The following EPHA3 variants were observed in gnomAD, a reference collection of about 807,000 sequenced individuals.
The protein encoded by EPHA3 is EPH receptor A3, also known as ephrin type-A receptor 3.
EPHA3 carries 42 observed loss-of-function variants against 107.1 expected under a neutral mutation model. The ratio of observed to expected loss-of-function variants is 0.39; its 90% confidence interval spans 0.31 to 0.51. The LOEUF is 0.51. EPHA3 is among the 20% of genes least tolerant of loss of function. EPHA3 has a pLI of 0.78. For missense variants in EPHA3, 1,183 were observed against 1,211.2 expected, an observed-to-expected ratio of 0.98 and a Z score of 0.35; for synonymous variants, 461 against 424.8, an observed-to-expected ratio of 1.09 and a Z score of -1.05.
chr3:89,480,467 C>G lies in EPHA3; in HGVS notation c.*965C>G, dbSNP rs1275049672. ...ATGGATTTTCAACCAGATAACATAC[C>G]TTTCCTGCTCTGGTGCTTAGAGACT... On this transcript the variant is annotated 3_prime_UTR_variant, in exon 17 of 17. Coordinates refer to ENST00000336596, the MANE Select transcript of EPHA3 (RefSeq NM_005233.6). 4.3e-6 allele frequency: 1 copy of G among 233,136 alleles called. No homozygotes were observed. The highest frequency in any genetic ancestry group is 8.5e-6 in the Non-Finnish European group (1 of 117,854). The allele number at this position is 233,136 out of a possible 1,614,324, so 14.4% of individuals were successfully genotyped here.
Position 89,480,420 on chromosome 3 carries a change from G to A in EPHA3, c.*918G>A, listed in dbSNP as rs912937780. ...ATAAACTGTATGCTCACAACTTAGT[G>A]TAATATACCAGCTTGTATGCAATGG... On this transcript the variant is annotated 3_prime_UTR_variant, in exon 17 of 17. Transcript: ENST00000336596. The A allele has an allele frequency of 4.3e-6, 1 of 233,152 alleles. No homozygotes were observed. Among genetic ancestry groups the A allele is most frequent in the African/African-American group, 2.2e-5 (1 of 45,310 alleles). 14.4% of individuals were successfully genotyped at this position (233,152 alleles called of 1,614,324 possible).
intron 13 of EPHA3, among the ~76,000 whole-genome samples, chr3:89,439,340 C>A (rs1243939346): frequency 2.0e-5 from 3 of 152,054 alleles, no homozygotes; most frequent in Admixed American, 2.0e-4. Context: ...TGCCTTTAGT[C>A]CCAGCTACTC....
At chr3:89,191,258 T>C (rs1430316294) in intron 2 of EPHA3, among the ~76,000 whole-genome samples, 1 of 152,022 alleles carries the variant, frequency 6.6e-6, no homozygotes, top group Admixed American at 6.6e-5. Flanking sequence ...TGATTCCTAA[T>C]TGTACCCAAC....
At chr3:89,140,743 A>G (rs1465969839) in intron 2 of EPHA3, among the ~76,000 whole-genome samples, 1 of 151,708 alleles carries the variant, frequency 6.6e-6, no homozygotes, top group East Asian at 1.9e-4. Context: ...ATATGAGGTA[A>G]TATTCGTTTC....
At position 89,351,918 on chromosome 3, in the gene EPHA3, G is replaced by A. The variant is rs114901231; in HGVS notation, c.1306+9828G>A. Among the ~76,000 whole-genome samples, 645 of 143,628 alleles carry A rather than the reference G, an allele frequency of 4.5e-3. 15 individuals carry two copies. The highest frequency in any genetic ancestry group is 0.013 in the African/African-American group (491 of 39,020). The allele number at this position is 143,628 out of a possible 152,430, so 94.2% of individuals were successfully genotyped here. On this transcript the variant is annotated intron_variant, in intron 5 of 16. Coordinates refer to ENST00000336596, the MANE Select transcript of EPHA3 (RefSeq NM_005233.6). ...ATAAGTAATTTTCTGTAAATTCAAG[G>A]CAGATGCAAAAAAAAAAAAAAAAGT...
intron 3 of EPHA3, among the ~76,000 whole-genome samples, chr3:89,275,415 A>C (rs1705782533): frequency 6.6e-6 from 1 of 152,006 alleles, no homozygotes. Flanking sequence ...TAAACCTTCA[A>C]AGTGTGTAGC....
At chr3:89,249,780 G>T (rs945118544) in intron 3 of EPHA3, among the ~76,000 whole-genome samples, 3 of 152,090 alleles carry the variant, frequency 2.0e-5, no homozygotes, top group African/African-American at 7.2e-5. Context: ...ATAGTGATAA[G>T]TTTTTGCTGT....
At chr3:89,441,970 T>A (rs1709794838) in intron 13 of EPHA3, among the ~76,000 whole-genome samples, 1 of 152,156 alleles carries the variant, frequency 6.6e-6, no homozygotes, top group South Asian at 2.1e-4. Flanking sequence ...ATGCCAATAA[T>A]GTTTACGTTT....
chr3:89,341,099 T>G (rs1312004702), intron 4 of EPHA3, 28 bp downstream of exon 4: 11 of 1,601,034 alleles, frequency 6.9e-6, no homozygotes, highest in Non-Finnish European at 9.4e-6. Context: ...AACCCATGCC[T>G]CCATGTTTGT....
At chr3:89,109,778 A>C (rs114658943) in intron 1 of EPHA3, among the ~76,000 whole-genome samples, 1 of 152,078 alleles carries the variant, frequency 6.6e-6, no homozygotes, top group South Asian at 2.1e-4. Context: ...AAATATATTC[A>C]GAAAGCTGAC....
chr3:89,114,045 A>G (rs962308336), intron 1 of EPHA3, among the ~76,000 whole-genome samples: 12 of 152,182 alleles, frequency 7.9e-5, no homozygotes, highest in Admixed American at 3.3e-4. Context: ...GAAAATCCAC[A>G]TAATCCAAAC....
rs543275014 is a variant in EPHA3 at position 89,270,771 on chromosome 3, G to T, written c.814+60251G>T. Among the ~76,000 whole-genome samples, 11 of 151,770 alleles carry T rather than the reference G, an allele frequency of 7.2e-5. 1 individual carries two copies. In the South Asian group the frequency reaches 2.1e-3, roughly 29 times the overall value. The stretch of plus-strand genomic sequence containing the variant: ...CTGATAAAAATTGTCTGTGCTTTTT[G>T]ATTAAAAAGCAAACAAAACACACTG... On this transcript the variant is annotated intron_variant, in intron 3 of 16. Transcript: ENST00000336596.
chr3:89,142,346 T>C (rs1446175478), intron 2 of EPHA3, among the ~76,000 whole-genome samples: 4 of 151,352 alleles, frequency 2.6e-5, no homozygotes, highest in Non-Finnish European at 3.0e-5. Context: ...AGAGGAGTTA[T>C]TGTTTAATCT....
intron 3 of EPHA3, among the ~76,000 whole-genome samples, chr3:89,289,696 C>T (rs569525423): frequency 3.3e-5 from 5 of 152,038 alleles, no homozygotes; most frequent in African/African-American, 9.6e-5. Context: ...TATGTGCGTG[C>T]GTGTGTGCAT....
At chr3:89,470,332 A>G (rs1348829697) in intron 15 of EPHA3, among the ~76,000 whole-genome samples, 1 of 152,202 alleles carries the variant, frequency 6.6e-6, no homozygotes, top group Non-Finnish European at 1.5e-5. Flanking sequence ...CCAGCATTAT[A>G]TATAAACTGA....
chr3:89,187,824 G>A (rs1705607799), intron 2 of EPHA3, among the ~76,000 whole-genome samples: 1 of 152,100 alleles, frequency 6.6e-6, no homozygotes, highest in East Asian at 1.9e-4. Context: ...CACTTCAGAG[G>A]CTGCGCTGGG....
chr3:89,400,325 C>G lies in EPHA3; in HGVS notation c.1594+845C>G, dbSNP rs561478095. On this transcript the variant is annotated intron_variant, in intron 7 of 16. Coordinates refer to ENST00000336596, the MANE Select transcript of EPHA3 (RefSeq NM_005233.6). Reference sequence around the variant, plus strand: ...TTCACGCCATTCTCCCCCTCAGCCTCCCGAGTAGCTGGGACTACAGGCGGC... The same window carrying G: ...TTCACGCCATTCTCCCCCTCAGCCTGCCGAGTAGCTGGGACTACAGGCGGC... 74 of 161,716 alleles carry G rather than the reference C, an allele frequency of 4.6e-4. 1 individual carries two copies. The highest frequency in any genetic ancestry group is 1.4e-3 in the Admixed American group (21 of 15,436). 10.0% of individuals were successfully genotyped at this position (161,716 alleles called of 1,614,324 possible).
chr3:89,203,821 A>C (rs1227682764), intron 2 of EPHA3, among the ~76,000 whole-genome samples: 1 of 151,960 alleles, frequency 6.6e-6, no homozygotes, highest in East Asian at 1.9e-4. Flanking sequence ...TAAGAAAAAA[A>C]CCTTAAAGCT....
chr3:89,139,608 G>T (rs973799834), intron 2 of EPHA3, among the ~76,000 whole-genome samples: 2 of 151,758 alleles, frequency 1.3e-5, no homozygotes, highest in African/African-American at 4.8e-5. Context: ...ACTTTATTTA[G>T]AGCAGTAAAA....
Sources: gnomAD v4.1 joint callset for allele counts (sites outside exome capture counted in the v4.1 genomes callset) on GRCh38, gnomAD v4.1.1 for gene constraint, MANE v1.5 for transcripts, NCBI Gene and HGNC (gene_info 2026-07-23, HGNC 2026-07-21) for gene names.